The following ASXL2 variants were observed in gnomAD, a reference collection of about 807,000 sequenced individuals.
The protein encoded by ASXL2 is ASXL transcriptional regulator 2.
A neutral mutation model predicts 122.0 loss-of-function variants in ASXL2; 23 were observed. That is an observed-to-expected ratio of 0.19 (90% CI 0.14 to 0.27). The LOEUF is 0.27. Ranked by LOEUF, ASXL2 falls within the 10% of genes least tolerant of loss-of-function variation. The pLI is 1.00. For synonymous variants in ASXL2, 650 were observed against 637.0 expected (o/e 1.02, Z -0.31); for missense variants, 1,518 against 1,713.8 (o/e 0.89, Z 2.02).
At chr2:25,869,608 G>C (rs1200373457) in intron 1 of ASXL2, among the ~76,000 whole-genome samples, 1 of 151,960 alleles carries the variant, frequency 6.6e-6, no homozygotes, top group Non-Finnish European at 1.5e-5. Context: ...GATCACCTTA[G>C]GTCAGGAGTT....
intron 1 of ASXL2, 118 bp downstream of exon 1, chr2:25,878,048 C>A: frequency 1.6e-6 from 2 of 1,283,418 alleles, no homozygotes; most frequent in Non-Finnish European, 2.3e-6. Context: ...GCCCTCTCCG[C>A]GCGGTTTTGT....
At chr2:25,751,898 A>G (rs2088053476) in intron 11 of ASXL2, among the ~76,000 whole-genome samples, 1 of 151,892 alleles carries the variant, frequency 6.6e-6, no homozygotes, top group Admixed American at 6.6e-5. Flanking sequence ...CTTCCACCTG[A>G]GCCTGGGTCT....
chr2:25,843,836 AG>A (rs1335973393), intron 2 of ASXL2, among the ~76,000 whole-genome samples: 5 of 151,326 alleles, frequency 3.3e-5, no homozygotes, highest in African/African-American at 4.9e-5. Context: ...AAAAAAAGAA[AG>A]AAAGAAAGAA....
In ASXL2 at chr2:25,817,721, G is replaced by A. The variant is rs1047746294; in HGVS notation, c.144-11384C>T. Among the ~76,000 whole-genome samples, 3 of 152,188 alleles carry A rather than the reference G, an allele frequency of 2.0e-5. No homozygotes were observed. In the East Asian group the frequency reaches 5.8e-4, roughly 29 times the overall value. ...AAACAAAACAAAAACTAGAACAGCAGGTAAGAGGGGAAATTGCATACAGAT... is the reference window on the plus strand; with the variant it reads ...AAACAAAACAAAAACTAGAACAGCAAGTAAGAGGGGAAATTGCATACAGAT... On this transcript the variant is annotated intron_variant, in intron 3 of 12. Coordinates refer to ENST00000435504, the MANE Select transcript of ASXL2 (RefSeq NM_018263.6).
chr2:25,797,050 A>C (rs1193275835), intron 5 of ASXL2, among the ~76,000 whole-genome samples: 1 of 152,188 alleles, frequency 6.6e-6, no homozygotes, highest in African/African-American at 2.4e-5. Flanking sequence ...TAGATACAAG[A>C]CCAAAGACAC....
chr2:25,807,671 T>C lies in ASXL2; in HGVS notation c.144-1334A>G, dbSNP rs544386666. Among the ~76,000 whole-genome samples the C allele has an allele frequency of 1.1e-4, 17 of 152,278 alleles. No individual in the cohort carries two copies. In the South Asian group the frequency reaches 3.1e-3, roughly 28 times the overall value. ...TAACATGTACTCTTAGCCACTATTA[T>C]TGAAGTAGTATGTTTCCGAGAGAAA... On this transcript the variant is annotated intron_variant, in intron 3 of 12. Coordinates refer to ENST00000435504, the MANE Select transcript of ASXL2 (RefSeq NM_018263.6).
In ASXL2 at chr2:25,742,659, T is replaced by C. The variant is rs2087851782; in HGVS notation, c.3678A>G (p.Leu1226=). ...TCTCAGCCTTCACATTCTTGCTAGC[T>C]AAGCAATCACTGGTAGATAGAGTTT... is the stretch of plus-strand genomic sequence containing the variant. The part of the protein sequence containing the change: ...SRETLSTSDC[L]ASKNVKAEIP... Residue 1226 remains leucine (L), a synonymous_variant, in exon 13 of 13, where the codon TTA becomes TTG. Coordinates refer to ENST00000435504, the MANE Select transcript of ASXL2 (RefSeq NM_018263.6). 4 of 1,613,996 alleles carry C rather than the reference T, an allele frequency of 2.5e-6. No individual in the cohort carries two copies. The East Asian group carries it at 8.9e-5, about 36-fold the overall frequency.
At chr2:25,834,325 C>G (rs1016378955) in intron 3 of ASXL2, among the ~76,000 whole-genome samples, 1 of 152,076 alleles carries the variant, frequency 6.6e-6, no homozygotes, top group Non-Finnish European at 1.5e-5. Context: ...TCCACTCCAG[C>G]TTGGGTGACA....
intron 3 of ASXL2, among the ~76,000 whole-genome samples, chr2:25,831,706 TAATAAAGAAA>T (rs2089456285): frequency 6.6e-6 from 1 of 151,272 alleles, no homozygotes; most frequent in African/African-American, 2.4e-5. Context: ...AAAGAAAAAG[TAATAAAGAAA>T]AATGAAGAAA....
At chr2:25,774,819 A>AT (rs1162051185) in intron 5 of ASXL2, among the ~76,000 whole-genome samples, 68 of 152,326 alleles carry the variant, frequency 4.5e-4, no homozygotes, top group African/African-American at 1.5e-3. Flanking sequence ...CTAGCAGTGT[A>AT]TAAGTTTTCT....
chr2:25,757,306 T>C (rs2088151918), intron 9 of ASXL2, among the ~76,000 whole-genome samples: 1 of 151,860 alleles, frequency 6.6e-6, no homozygotes, highest in South Asian at 2.1e-4. Flanking sequence ...GCTCCAACCA[T>C]GTTAACAACT....
intron 2 of ASXL2, among the ~76,000 whole-genome samples, chr2:25,837,465 C>G (rs1559525075): frequency 1.3e-5 from 2 of 152,178 alleles, no homozygotes. Flanking sequence ...TATTTCAGAA[C>G]AGCCCAGGGT....
chr2:25,856,644 T>TC (rs1288793276), intron 1 of ASXL2: 5 of 1,255,968 alleles, frequency 4.0e-6, no homozygotes, highest in Non-Finnish European at 5.8e-6. Context: ...GTCCTCAGTC[T>TC]CCCCAGAGTG....
At chr2:25,867,463 A>G (rs1432341005) in intron 1 of ASXL2, among the ~76,000 whole-genome samples, 1 of 152,134 alleles carries the variant, frequency 6.6e-6, no homozygotes, top group Non-Finnish European at 1.5e-5. Context: ...ATCTTAAGTA[A>G]AGGTGTTGAA....
intron 5 of ASXL2, chr2:25,780,376 A>G (rs2088614044): frequency 6.6e-6 from 1 of 152,334 alleles, no homozygotes; most frequent in South Asian, 2.1e-4. Context: ...TCCATTGTGT[A>G]TATCGATCGT....
chr2:25,741,098 A>G lies in ASXL2; in HGVS notation c.*931T>C, dbSNP rs2087819167. On this transcript the variant is annotated 3_prime_UTR_variant, in exon 13 of 13. Coordinates refer to ENST00000435504, the MANE Select transcript of ASXL2 (RefSeq NM_018263.6). ...TCTGTGGTTTCACTCCCCTTGCTCA[A>G]CAAGATGTAGCTCAAATCACCCAAT... 5.0e-6 allele frequency: 1 copy of G among 199,476 alleles called. No homozygotes were observed. Among genetic ancestry groups the G allele is most frequent in the South Asian group, 1.9e-4 (1 of 5,232 alleles). 12.4% of individuals were successfully genotyped at this position (199,476 alleles called of 1,614,324 possible).
chr2:25,753,229 T>C (rs2149142711), intron 11 of ASXL2, among the ~76,000 whole-genome samples: 1 of 133,358 alleles, frequency 7.5e-6, no homozygotes, highest in East Asian at 2.0e-4. Flanking sequence ...CCTCCCAAAG[T>C]GCTGGGGTTA....
chr2:25,742,073 T>C lies in ASXL2; in HGVS notation c.4264A>G (p.Ile1422Val). The change falls in exon 13 of 13, where the codon ATC becomes GTC. Residue 1422 changes from isoleucine (I) to valine (V), a missense_variant. Ile to Val is a conservative substitution (Grantham distance 29). This residue lies in a region of ASXL2 where 17 missense variants were observed against 37.3 expected (regional missense o/e 0.46). Transcript: ENST00000435504. Reference protein sequence around the residue: ...GCGAFCHDDCIGPSKLCVSCL... With the variant: ...GCGAFCHDDCVGPSKLCVSCL... Reference sequence around the variant, plus strand: ...GAGACGCACAGTTTGGAGGGGCCGATGCAATCATCATGGCAGAAAGCGCCA... The same window carrying C: ...GAGACGCACAGTTTGGAGGGGCCGACGCAATCATCATGGCAGAAAGCGCCA... The C allele has an allele frequency of 6.2e-7, 1 of 1,613,982 alleles. No homozygotes were observed. Among genetic ancestry groups the C allele is most frequent in the Non-Finnish European group, 8.5e-7 (1 of 1,179,890 alleles).
chr2:25,827,948 C>T (rs1407890962), intron 3 of ASXL2, among the ~76,000 whole-genome samples: 1 of 151,932 alleles, frequency 6.6e-6, no homozygotes, highest in African/African-American at 2.4e-5. Context: ...TAAACCTTCA[C>T]TCTATCATCC....
Sources: gnomAD v4.1 joint callset for allele counts (sites outside exome capture counted in the v4.1 genomes callset) on GRCh38, gnomAD v4.1.1 for gene constraint, gnomAD v4.1.1 regional missense constraint, MANE v1.5 for transcripts, NCBI Gene and HGNC (gene_info 2026-07-23, HGNC 2026-07-21) for gene names.